Variants in SLC25A30 observed in about 807,000 individuals in gnomAD.
SLC25A30 encodes solute carrier family 25 member 30, also known as kidney mitochondrial carrier protein 1.
In SLC25A30, 29 loss-of-function variants were observed where a neutral mutation model predicts 42.7. The ratio of observed to expected loss-of-function variants is 0.68; its 90% CI spans 0.51 to 0.93. The LOEUF is 0.93. Ranked by LOEUF, SLC25A30 falls within the 40% of genes least tolerant of loss-of-function variation. SLC25A30 has a pLI of 0.00. For synonymous variants in SLC25A30, 124 were observed against 131.0 expected, an observed-to-expected ratio of 0.95 and a Z score of 0.37; for missense variants, 300 against 359.7, an observed-to-expected ratio of 0.83 and a Z score of 1.34.
At chr13:45,433,730 C>T in the SLC25A30 span, among the ~76,000 whole-genome samples, 32 of 152,260 alleles carry the variant, frequency 2.1e-4, no homozygotes, top group African/African-American at 7.0e-4. Flanking sequence ...GGGGCCACAG[C>T]CATTTATGTC....
chr13:45,422,125 G>A (rs1412741085), upstream of SLC25A30, among the ~76,000 whole-genome samples: 1 of 152,140 alleles, frequency 6.6e-6, no homozygotes, highest in Non-Finnish European at 1.5e-5. Flanking sequence ...AATTGTGTGT[G>A]CACTATATAG....
rs1394174940 is a variant in SLC25A30 at position 45,400,029 on chromosome 13, T to TAC, written c.615-952_615-951insGT. Among the ~76,000 whole-genome samples, 86 of 121,132 alleles carry TAC rather than the reference T, an allele frequency of 7.1e-4. 1 individual carries two copies. In the East Asian group the frequency reaches 0.014, roughly 19 times the overall value. 79.5% of individuals were successfully genotyped at this position (121,132 alleles called of 152,430 possible). ...TTATGTATGATTATATATATATATA[T>TAC]ATATACACACACACACACACACACA... On this transcript the variant is annotated intron_variant, in intron 7 of 9. Coordinates refer to ENST00000519676, the MANE Select transcript of SLC25A30 (RefSeq NM_001010875.4).
chr13:45,414,520 G>A (rs2137693660), intron 1 of SLC25A30, among the ~76,000 whole-genome samples: 1 of 152,232 alleles, frequency 6.6e-6, no homozygotes, highest in African/African-American at 2.4e-5. Context: ...AGGAGGCGGA[G>A]GCAGAAGAAT....
chr13:45,424,775 T>TATATAAATATATAAAAAA, the SLC25A30 span, among the ~76,000 whole-genome samples: 2 of 59,938 alleles, frequency 3.3e-5, no homozygotes, highest in South Asian at 5.3e-4. Flanking sequence ...TAAATATATA[T>TATATAAATATATAAAAAA]ATATAAATAT....
chr13:45,417,866 T>TGAAG lies in SLC25A30; in HGVS notation c.-56+433_-56+434insCTTC, dbSNP rs1197286555. Among the ~76,000 whole-genome samples, 296 of 152,290 alleles carry TGAAG rather than the reference T, an allele frequency of 1.9e-3. 3 individuals are homozygous for TGAAG. The highest frequency in any genetic ancestry group is 6.8e-3 in the African/African-American group (283 of 41,566). On this transcript the variant is annotated intron_variant, in intron 1 of 9. Transcript: ENST00000519676. ...GAGCGATTCCGAATGTGGTGTGCCC[T>TGAAG]CTCCCACAGTGCGAAGCTCGCGGGC...
chr13:45,432,866 C>CAA, the SLC25A30 span, among the ~76,000 whole-genome samples: 2 of 136,672 alleles, frequency 1.5e-5, no homozygotes, highest in African/African-American at 5.4e-5. Context: ...CAGTCTCTAC[C>CAA]AAAAAAAAAA....
intron 1 of SLC25A30, among the ~76,000 whole-genome samples, chr13:45,415,302 G>T (rs1448155316): frequency 2.0e-5 from 3 of 152,036 alleles, no homozygotes; most frequent in Non-Finnish European, 4.4e-5. Context: ...TTCTCTGAAG[G>T]ATCACATGAC....
At chr13:45,423,696 A>AATATATATAAAAATATATATATT in the SLC25A30 span, among the ~76,000 whole-genome samples, 1 of 1,658 alleles carries the variant, frequency 6.0e-4, no homozygotes, top group Non-Finnish European at 1.3e-3. Context: ...ATATATATAA[A>AATATATATAAAAATATATATATT]TATATAAATA....
At chr13:45,419,539 G>T (rs1292437588), upstream of SLC25A30, among the ~76,000 whole-genome samples, 1 of 150,606 alleles carries the variant, frequency 6.6e-6, no homozygotes, top group African/African-American at 2.4e-5. Context: ...GGCTGGTCTC[G>T]AACTCCCGAC....
the SLC25A30 span, among the ~76,000 whole-genome samples, chr13:45,425,741 G>A: frequency 1.3e-4 from 19 of 142,026 alleles, no homozygotes; most frequent in Admixed American, 2.3e-4. Flanking sequence ...CCCCCAGGCT[G>A]GAGGGCAGTG....
In SLC25A30 at chr13:45,411,194, C is replaced by T. The variant is rs144224585; in HGVS notation, c.64+168G>A. Among the ~76,000 whole-genome samples the T allele has an allele frequency of 4.5e-4, 69 of 152,310 alleles. 1 individual carries two copies. The East Asian group carries it at 0.013, about 29-fold the overall frequency. On this transcript the variant is annotated intron_variant, in intron 2 of 9. Coordinates refer to ENST00000519676, the MANE Select transcript of SLC25A30 (RefSeq NM_001010875.4). ...GACTCAAGAGATTCCCCTTCCTCAG[C>T]CTACTAAAGTGCTGAGATTATAGGC...
At chr13:45,402,517 G>T in intron 5 of SLC25A30, 147 bp from the exon 6 acceptor site, 1 of 686,112 alleles carries the variant, frequency 1.5e-6, no homozygotes, top group Non-Finnish European at 2.4e-6. Context: ...CTGCTATGAT[G>T]CTACCTTAAA....
At chr13:45,431,902 G>A in the SLC25A30 span, among the ~76,000 whole-genome samples, 12 of 151,960 alleles carry the variant, frequency 7.9e-5, no homozygotes, top group African/African-American at 2.9e-4. Context: ...CAAAAACCAA[G>A]GTGTCATCTT....
the SLC25A30 span, among the ~76,000 whole-genome samples, chr13:45,429,776 A>G: frequency 6.6e-6 from 1 of 151,966 alleles, no homozygotes; most frequent in Non-Finnish European, 1.5e-5. Flanking sequence ...TTGAGGCTAC[A>G]GTGAGCTGTG....
chr13:45,426,434 T>C, the SLC25A30 span, among the ~76,000 whole-genome samples: 1 of 152,200 alleles, frequency 6.6e-6, no homozygotes, highest in African/African-American at 2.4e-5. Flanking sequence ...TATGTAAGTA[T>C]CTACATAATC....
intron 5 of SLC25A30, among the ~76,000 whole-genome samples, chr13:45,403,317 A>G (rs755133914): frequency 2.6e-5 from 4 of 152,148 alleles, no homozygotes; most frequent in Non-Finnish European, 5.9e-5. Flanking sequence ...CCCCTATTAG[A>G]TTGAAGGCTC....
intron 6 of SLC25A30, among the ~76,000 whole-genome samples, chr13:45,401,916 G>T (rs9526068): frequency 0.92 from 139,640 of 152,042 alleles, 64,582 homozygotes; most frequent in African/African-American, 0.98. Flanking sequence ...AAAAATTAGC[G>T]GGGTGTGGTG....
At chr13:45,425,094 ATT>A in the SLC25A30 span, among the ~76,000 whole-genome samples, 28 of 27,722 alleles carry the variant, frequency 1.0e-3, 5 homozygotes, top group African/African-American at 4.6e-3. Flanking sequence ...ATATAAATAT[ATT>A]TATAAATATA....
the SLC25A30 span, among the ~76,000 whole-genome samples, chr13:45,426,339 C>A: frequency 6.6e-5 from 10 of 152,214 alleles, no homozygotes; most frequent in South Asian, 1.5e-3. Flanking sequence ...CCCGCCCTGG[C>A]CTTCCAAAGT....
Sources: allele counts gnomAD v4.1 joint callset (sites outside exome capture counted in the v4.1 genomes callset), GRCh38; gene constraint gnomAD v4.1.1; transcripts MANE v1.5; gene names NCBI Gene and HGNC (gene_info 2026-07-23, HGNC 2026-07-21).